Variants in PCDHA6 observed in about 807,000 individuals in gnomAD.
The protein encoded by PCDHA6 is protocadherin alpha-6.
PCDHA6 carries 55 observed loss-of-function variants against 60.3 expected under a neutral mutation model. The ratio of observed to expected loss-of-function variants is 0.91; its 90% confidence interval spans 0.73 to 1.14. PCDHA6 has a LOEUF of 1.14. PCDHA6 is among the 50% of genes most tolerant of loss of function. The pLI, the probability that PCDHA6 is intolerant of heterozygous loss-of-function variation, is 0.00. For synonymous variants in PCDHA6, 652 were observed against 557.9 expected, an observed-to-expected ratio of 1.17 and a Z score of -2.38; for missense variants, 1,327 against 1,256.5, an observed-to-expected ratio of 1.06 and a Z score of -0.85.
Position 140,837,042 on chromosome 5 carries a change from A to G in PCDHA6, c.2394+6557A>G, listed in dbSNP as rs188335781. 9.1e-5 allele frequency: 19 copies of G among 209,806 alleles called. No homozygotes were observed. In the Admixed American group the frequency reaches 9.5e-4, roughly 10 times the overall value. 13.0% of individuals were successfully genotyped at this position (209,806 alleles called of 1,614,324 possible). ...CTTCTATAGTGTATTTACAAAATCA[A>G]ATATTTACATTTCCATATTTTGATA... On this transcript the variant is annotated intron_variant, in intron 1 of 3. Coordinates refer to ENST00000529310, the MANE Select transcript of PCDHA6 (RefSeq NM_018909.4).
intron 3 of PCDHA6, among the ~76,000 whole-genome samples, chr5:141,004,872 C>T (rs1242067093): frequency 6.6e-6 from 1 of 152,042 alleles, no homozygotes; most frequent in Non-Finnish European, 1.5e-5. Context: ...GTTTCTCATC[C>T]CTAAAGTGCT....
chr5:140,992,470 G>T (rs1027762445), intron 3 of PCDHA6, among the ~76,000 whole-genome samples: 2 of 152,192 alleles, frequency 1.3e-5, no homozygotes, highest in African/African-American at 4.8e-5. Context: ...GTACTCTTTA[G>T]ATCACCCAGA....
chr5:140,892,158 T>A (rs1442080527), intron 1 of PCDHA6, among the ~76,000 whole-genome samples: 2 of 152,242 alleles, frequency 1.3e-5, no homozygotes, highest in Non-Finnish European at 2.9e-5. Context: ...ATTTCTGATA[T>A]GTCCAGTAAC....
intron 1 of PCDHA6, among the ~76,000 whole-genome samples, chr5:140,969,939 G>A (rs188120855): frequency 4.6e-5 from 7 of 152,340 alleles, no homozygotes; most frequent in Admixed American, 2.6e-4. Context: ...ACATCATACT[G>A]AAGCTAAAGT....
At chr5:140,976,080 A>G (rs1487401919) in intron 1 of PCDHA6, among the ~76,000 whole-genome samples, 1 of 152,226 alleles carries the variant, frequency 6.6e-6, no homozygotes, top group African/African-American at 2.4e-5. Flanking sequence ...TGTGTCAGAT[A>G]TATCAGTAGT....
At chr5:140,850,816 C>T (rs2150499386) in intron 1 of PCDHA6, 3 of 1,598,298 alleles carry the variant, frequency 1.9e-6, no homozygotes, top group Admixed American at 1.7e-5. Flanking sequence ...GCCTTCAGCC[C>T]GGGCCTTTCT....
At chr5:140,861,696 G>C (rs2047025266) in intron 1 of PCDHA6, 1 of 223,632 alleles carries the variant, frequency 4.5e-6, no homozygotes, top group South Asian at 6.6e-5. Context: ...GAGGGTGTCT[G>C]TGATGCCGAC....
intron 1 of PCDHA6, chr5:140,841,663 G>A: frequency 2.5e-6 from 4 of 1,614,102 alleles, no homozygotes; most frequent in Non-Finnish European, 3.4e-6. Flanking sequence ...ACAGGCCGCT[G>A]CAGGTTTTCC....
chr5:140,833,280 G>A (rs181122201), intron 1 of PCDHA6, among the ~76,000 whole-genome samples: 14 of 152,214 alleles, frequency 9.2e-5, no homozygotes, highest in African/African-American at 3.4e-4. Flanking sequence ...AACTTATTTA[G>A]GAAAGCATCT....
rs537764090 is a variant in PCDHA6 at position 140,925,273 on chromosome 5, AT to A, written c.2395-53672del. Reference sequence around the variant, plus strand: ...ACTTTAATTCTTGATCTGTGTTCAGATTTTGCCTTTCAAATGTTTCATTATT... The same window carrying A: ...ACTTTAATTCTTGATCTGTGTTCAGATTTGCCTTTCAAATGTTTCATTATT... On this transcript the variant is annotated intron_variant, in intron 1 of 3. Transcript: ENST00000529310. Among the ~76,000 whole-genome samples, 1,221 of 152,228 alleles carry A rather than the reference AT, an allele frequency of 8.0e-3. 6 individuals are homozygous for A. Among genetic ancestry groups the A allele is most frequent in the African/African-American group, 0.019 (789 of 41,534 alleles).
Position 140,836,106 on chromosome 5 carries a change from G to A in PCDHA6, c.2394+5621G>A. Reference sequence around the variant, plus strand: ...GGCGCCTCGGGTGGGTGGCACTGGTGGCGCAGTGAGAGAGCTTGTGCCGCG... The same window carrying A: ...GGCGCCTCGGGTGGGTGGCACTGGTAGCGCAGTGAGAGAGCTTGTGCCGCG... On this transcript the variant is annotated intron_variant, in intron 1 of 3. Coordinates refer to ENST00000529310, the MANE Select transcript of PCDHA6 (RefSeq NM_018909.4). The A allele has an allele frequency of 6.2e-7, 1 of 1,613,738 alleles. No individual in the cohort carries two copies. The highest frequency in any genetic ancestry group is 8.5e-7 in the Non-Finnish European group (1 of 1,179,782).
intron 1 of PCDHA6, chr5:140,854,061 C>T: frequency 3.6e-6 from 1 of 279,894 alleles, no homozygotes; most frequent in Non-Finnish European, 5.4e-6. Flanking sequence ...ACTCAGGAGG[C>T]TGAGGCGAGA....
At chr5:140,833,399 G>C (rs1554133822) in intron 1 of PCDHA6, among the ~76,000 whole-genome samples, 1 of 152,156 alleles carries the variant, frequency 6.6e-6, no homozygotes, top group Non-Finnish European at 1.5e-5. Context: ...CTCAAGACTT[G>C]ATCAAAGGGC....
At chr5:140,949,657 T>G (rs908826690) in intron 1 of PCDHA6, among the ~76,000 whole-genome samples, 2 of 151,876 alleles carry the variant, frequency 1.3e-5, no homozygotes, top group Non-Finnish European at 3.0e-5. Flanking sequence ...TTTACTTTTG[T>G]TTCTTTAAAG....
chr5:140,943,270 AAAAAAAAG>A (rs1301290983), intron 1 of PCDHA6, among the ~76,000 whole-genome samples: 4 of 150,618 alleles, frequency 2.7e-5, no homozygotes, highest in African/African-American at 4.9e-5. Context: ...AAAAAAAAAA[AAAAAAAAG>A]AAAGAAAGAA....
At chr5:140,899,574 C>T (rs890849786) in intron 1 of PCDHA6, among the ~76,000 whole-genome samples, 2 of 152,112 alleles carry the variant, frequency 1.3e-5, no homozygotes, top group African/African-American at 4.8e-5. Context: ...CTGCTGGATT[C>T]GGTTTGCCAG....
intron 1 of PCDHA6, chr5:140,877,468 C>A (rs781957457): frequency 6.2e-7 from 1 of 1,613,810 alleles, no homozygotes; most frequent in South Asian, 1.1e-5. Flanking sequence ...GGCCACGGTG[C>A]TGGTGTCGCT....
chr5:140,857,290 C>A (rs781985413), intron 1 of PCDHA6: 2 of 1,598,706 alleles, frequency 1.3e-6, no homozygotes, highest in South Asian at 1.1e-5. Flanking sequence ...CTCTGGACCG[C>A]GAGAGGGTGT....
chr5:140,926,917 TTA>T, intron 1 of PCDHA6: 3 of 1,565,668 alleles, frequency 1.9e-6, no homozygotes, highest in South Asian at 1.2e-5. Context: ...GGTGGCAGTT[TTA>T]TGTTTGTGGG....
Sources: allele counts gnomAD v4.1 joint callset (sites outside exome capture counted in the v4.1 genomes callset), GRCh38; gene constraint gnomAD v4.1.1; transcripts MANE v1.5; gene names NCBI Gene and HGNC (gene_info 2026-07-23, HGNC 2026-07-21).